CCDC15: variants seen among roughly 807,000 people sequenced by gnomAD.
CCDC15 encodes coiled-coil domain containing 15.
A neutral mutation model predicts 114.5 loss-of-function variants in CCDC15; 105 were observed. That is an observed-to-expected ratio of 0.92 (90% CI 0.78 to 1.08). CCDC15 has a LOEUF of 1.08. Ranked by LOEUF, CCDC15 falls within the 50% of genes least tolerant of loss-of-function variation. CCDC15 has a pLI of 0.00. For synonymous variants in CCDC15, 334 were observed against 377.8 expected, an observed-to-expected ratio of 0.88 and a Z score of 1.34; for missense variants, 1,105 against 1,093.6, an observed-to-expected ratio of 1.01 and a Z score of -0.15.
At chr11:125,013,331 C>T (rs866632063) in intron 13 of CCDC15, among the ~76,000 whole-genome samples, 1 of 151,950 alleles carries the variant, frequency 6.6e-6, no homozygotes, top group East Asian at 1.9e-4. Context: ...GTGGCTAAAC[C>T]CCAAGTGAAG....
intron 13 of CCDC15, among the ~76,000 whole-genome samples, chr11:125,011,245 A>ATTTTT (rs774447198): frequency 2.6e-4 from 38 of 146,458 alleles, no homozygotes; most frequent in African/African-American, 8.6e-4. Flanking sequence ...TATTATTATT[A>ATTTTT]TTATTTTTTA....
In CCDC15 at chr11:125,025,075, A is replaced by AATATATATGAAT. The variant is rs55642806; in HGVS notation, c.2412-13337_2412-13326dup. On this transcript the variant is annotated intron_variant, in intron 13 of 15. Transcript: ENST00000344762. ...ATATGAATATATATATGAATATATGAATATATATGAATATATATATGAATA... is the reference window on the plus strand; with the variant it reads ...ATATGAATATATATATGAATATATGAATATATATGAATATATATATGAATATATATATGAATA... Among the ~76,000 whole-genome samples, 124 of 57,460 alleles carry AATATATATGAAT rather than the reference A, an allele frequency of 2.2e-3. 1 individual carries two copies. The highest frequency in any genetic ancestry group is 0.018 in the East Asian group (18 of 992). 37.7% of individuals were successfully genotyped at this position (57,460 alleles called of 152,430 possible). A position where few individuals can be genotyped will look rare whatever the true frequency, so the allele number is the denominator to read the frequency against.
intron 12 of CCDC15, among the ~76,000 whole-genome samples, chr11:125,004,724 T>TC (rs1948531407): frequency 6.6e-6 from 1 of 152,074 alleles, no homozygotes. Context: ...AGAGTATGCT[T>TC]TTGTGATACT....
In CCDC15 at chr11:124,988,807, T is replaced by C. The variant is rs116919043; in HGVS notation, c.1908+673T>C. Reference sequence around the variant, plus strand: ...GCTCATCATAAGAAGTAACTCCTTATCCATTTAAGTTTGAACATGAGATTG... The same window carrying C: ...GCTCATCATAAGAAGTAACTCCTTACCCATTTAAGTTTGAACATGAGATTG... On this transcript the variant is annotated intron_variant, in intron 8 of 15. Coordinates refer to ENST00000344762, the MANE Select transcript of CCDC15 (RefSeq NM_025004.3). Among the ~76,000 whole-genome samples, 513 of 152,326 alleles carry C rather than the reference T, an allele frequency of 3.4e-3. 13 individuals carry two copies. In the East Asian group the frequency reaches 0.069, roughly 20 times the overall value.
At chr11:125,034,567 A>G (rs553621743) in intron 13 of CCDC15, among the ~76,000 whole-genome samples, 1 of 152,274 alleles carries the variant, frequency 6.6e-6, no homozygotes, top group East Asian at 1.9e-4. Context: ...TTGTCCAGTG[A>G]ACTTAGGAGC....
intron 13 of CCDC15, among the ~76,000 whole-genome samples, chr11:125,005,525 A>G (rs1022152570): frequency 1.3e-5 from 2 of 152,132 alleles, no homozygotes; most frequent in East Asian, 1.9e-4. Flanking sequence ...TAGTGGTACA[A>G]TGTATTAGAA....
chr11:124,978,859 GA>G (rs1948020250), intron 6 of CCDC15, among the ~76,000 whole-genome samples: 1 of 151,286 alleles, frequency 6.6e-6, no homozygotes, highest in Admixed American at 6.6e-5. Context: ...TCTTCATCAT[GA>G]AATCTTTGCC....
At chr11:124,974,351 G>A (rs1018201549) in intron 4 of CCDC15, among the ~76,000 whole-genome samples, 1 of 152,182 alleles carries the variant, frequency 6.6e-6, no homozygotes, top group Non-Finnish European at 1.5e-5. Flanking sequence ...GCAAATTTGT[G>A]AGATATAAAA....
intron 10 of CCDC15, 91 bp from the exon 11 acceptor site, chr11:124,993,078 T>A: frequency 1.3e-6 from 1 of 762,848 alleles, no homozygotes; most frequent in East Asian, 2.7e-5. Flanking sequence ...CTAGTGTCAT[T>A]ACTCTGGGAT....
intron 11 of CCDC15, among the ~76,000 whole-genome samples, chr11:125,002,623 T>C (rs1408187343): frequency 6.6e-6 from 1 of 152,168 alleles, no homozygotes; most frequent in African/African-American, 2.4e-5. Context: ...GTGGATAACC[T>C]GTGTCCCAGA....
chr11:124,986,709 G>T, intron 6 of CCDC15, 33 bp from the exon 7 acceptor site: 1 of 1,410,446 alleles, frequency 7.1e-7, no homozygotes, highest in Non-Finnish European at 9.5e-7. Flanking sequence ...GTGCGCGCGC[G>T]CGCGTGCGCG....
At chr11:125,036,657 ATTC>A (rs1948776335) in intron 13 of CCDC15, among the ~76,000 whole-genome samples, 1 of 151,958 alleles carries the variant, frequency 6.6e-6, no homozygotes, top group South Asian at 2.1e-4. Flanking sequence ...ATTCTCTTCT[ATTC>A]TTCTTCCTTT....
intron 11 of CCDC15, among the ~76,000 whole-genome samples, chr11:124,994,174 A>G (rs1457059572): frequency 6.6e-6 from 1 of 152,192 alleles, no homozygotes; most frequent in African/African-American, 2.4e-5. Context: ...GGCAGCAGCT[A>G]TCTGTTTGGT....
intron 4 of CCDC15, among the ~76,000 whole-genome samples, chr11:124,964,940 C>T (rs12274207): frequency 0.2 from 30,855 of 151,878 alleles, 3,719 homozygotes; most frequent in African/African-American, 0.34. Context: ...TGATGGCGTA[C>T]GTTTATTGAT....
At chr11:125,005,684 C>T (rs1948546732) in intron 13 of CCDC15, among the ~76,000 whole-genome samples, 1 of 152,100 alleles carries the variant, frequency 6.6e-6, no homozygotes, top group Non-Finnish European at 1.5e-5. Context: ...GCTTTCACTT[C>T]CCTAAAATCC....
chr11:124,979,032 C>T (rs1948023183), intron 6 of CCDC15, among the ~76,000 whole-genome samples: 1 of 152,024 alleles, frequency 6.6e-6, no homozygotes, highest in Non-Finnish European at 1.5e-5. Flanking sequence ...CCAAATATAT[C>T]CCAGTACCAC....
chr11:125,032,460 G>A (rs113589017), intron 13 of CCDC15, among the ~76,000 whole-genome samples: 5 of 152,356 alleles, frequency 3.3e-5, no homozygotes, highest in African/African-American at 1.2e-4. Context: ...TTAAGCTTAT[G>A]ATAATCCACT....
rs1317896940 is a variant in CCDC15, at chr11:124,959,214, CA to C, written c.279del (p.Gln93HisfsTer5). 5 of 1,584,254 alleles carry C rather than the reference CA, an allele frequency of 3.2e-6. No individual in the cohort carries two copies. In the African/African-American group the frequency reaches 6.8e-5, roughly 22 times the overall value. On this transcript the variant is annotated frameshift_variant, in exon 3 of 16. Transcript: ENST00000344762. LOFTEE classifies it high-confidence loss of function. ...GAAACAAGTTAAATACCGAGTAAAT[CA>C]ACAAATTAGGTTGAGAAAAAAGCAA... ...FQKQVKYRVN[Q>X]QIRLRKKQQL...
intron 11 of CCDC15, among the ~76,000 whole-genome samples, chr11:124,993,522 A>G (rs1948307491): frequency 6.6e-6 from 1 of 152,180 alleles, no homozygotes; most frequent in Admixed American, 6.5e-5. Context: ...TCCCGCTTGG[A>G]TAACTTATGT....
Sources: allele counts gnomAD v4.1 joint callset (sites outside exome capture counted in the v4.1 genomes callset), GRCh38; gene constraint gnomAD v4.1.1; transcripts MANE v1.5; gene names NCBI Gene and HGNC (gene_info 2026-07-23, HGNC 2026-07-21).